THADA: variants seen among roughly 807,000 people sequenced by gnomAD.
THADA encodes the protein THADA armadillo repeat containing, also known as tRNA (32-2'-O)-methyltransferase regulator THADA.
Under a neutral mutation model 219.8 loss-of-function variants are expected in THADA, and 213 were observed. The ratio of observed to expected loss-of-function variants is 0.97; its 90% confidence interval spans 0.87 to 1.09. The LOEUF is 1.09. Among genes scored for constraint, THADA ranks in the 50% least tolerant of loss-of-function variants. The pLI, the probability that THADA is intolerant of heterozygous loss-of-function variation, is 0.00. For synonymous variants in THADA, 1,018 were observed against 828.9 expected, an observed-to-expected ratio of 1.23 and a Z score of -3.92; for missense variants, 2,956 against 2,311.3, an observed-to-expected ratio of 1.28 and a Z score of -5.72.
chr2:43,280,890 T>C (rs889569450), intron 35 of THADA, among the ~76,000 whole-genome samples: 4 of 152,150 alleles, frequency 2.6e-5, no homozygotes, highest in Admixed American at 1.3e-4. Flanking sequence ...AAGAACAAAA[T>C]TGTGTGGCTG....
chr2:43,576,930 A>T lies in THADA; in HGVS notation c.1037+92T>A. 3 of 1,148,784 alleles carry T rather than the reference A, an allele frequency of 2.6e-6. No individual in the cohort carries two copies. In the South Asian group the frequency reaches 4.4e-5, roughly 17 times the overall value. The allele number at this position is 1,148,784 out of a possible 1,614,324, so 71.2% of individuals were successfully genotyped here. A position where few individuals can be genotyped will look rare whatever the true frequency, so the allele number is the denominator to read the frequency against. ...TCAGCCTACTGGGAGGGTAGCTGGG[A>T]TTAGAGGCACAAGCCACTCCAGCTT... On this transcript the variant is annotated intron_variant, in intron 10 of 37. Transcript: ENST00000405975.
chr2:43,568,608 T>G (rs1698942479), intron 14 of THADA, among the ~76,000 whole-genome samples: 1 of 152,234 alleles, frequency 6.6e-6, no homozygotes, highest in South Asian at 2.1e-4. Flanking sequence ...ACAGCTTTTG[T>G]GTTTCCAAGT....
intron 26 of THADA, among the ~76,000 whole-genome samples, chr2:43,475,608 T>A (rs1685440685): frequency 6.6e-6 from 1 of 152,160 alleles, no homozygotes; most frequent in Admixed American, 6.5e-5. Context: ...GGGAGACATT[T>A]CATATTGCAG....
chr2:43,534,126 C>T (rs1053242829), intron 21 of THADA, among the ~76,000 whole-genome samples: 18 of 151,956 alleles, frequency 1.2e-4, no homozygotes, highest in Non-Finnish European at 2.2e-4. Context: ...TAAAATGCAC[C>T]TTGAAATAAT....
intron 20 of THADA, among the ~76,000 whole-genome samples, chr2:43,547,795 T>C (rs960044170): frequency 6.6e-6 from 1 of 152,218 alleles, no homozygotes; most frequent in Non-Finnish European, 1.5e-5. Context: ...TTCAACTTCT[T>C]TGCCTTTGGT....
intron 31 of THADA, among the ~76,000 whole-genome samples, chr2:43,310,783 A>G (rs753061483): frequency 6.6e-6 from 1 of 152,262 alleles, no homozygotes; most frequent in African/African-American, 2.4e-5. Flanking sequence ...TGAAGACAGT[A>G]AAAATCCACA....
intron 28 of THADA, among the ~76,000 whole-genome samples, chr2:43,400,990 AG>A (rs1674765433): frequency 6.6e-6 from 1 of 152,218 alleles, no homozygotes. Flanking sequence ...TAAATCGGAT[AG>A]CCTCTGTCTC....
intron 28 of THADA, among the ~76,000 whole-genome samples, chr2:43,419,731 T>C (rs921924821): frequency 1.3e-5 from 2 of 152,202 alleles, no homozygotes; most frequent in African/African-American, 4.8e-5. Context: ...GCTACAATTT[T>C]TGAGAAACAA....
At chr2:43,335,174 C>G (rs72877392) in intron 30 of THADA, among the ~76,000 whole-genome samples, 2,672 of 152,190 alleles carry the variant, frequency 0.018, 65 homozygotes, top group African/African-American at 0.061. Context: ...TAATAAGATT[C>G]CCAGGTGATT....
chr2:43,488,412 T>C (rs189968979), intron 25 of THADA, among the ~76,000 whole-genome samples: 9 of 152,314 alleles, frequency 5.9e-5, no homozygotes, highest in African/African-American at 1.2e-4. Context: ...GGATACTTCA[T>C]ATACATGGGA....
chr2:43,282,388 C>A (rs1673465271), intron 35 of THADA, among the ~76,000 whole-genome samples: 1 of 152,190 alleles, frequency 6.6e-6, no homozygotes, highest in African/African-American at 2.4e-5. Flanking sequence ...CAGAGAGATA[C>A]AGGGACAGGA....
At chr2:43,255,621 G>A (rs777986979) in intron 36 of THADA, among the ~76,000 whole-genome samples, 1 of 152,218 alleles carries the variant, frequency 6.6e-6, no homozygotes, top group Non-Finnish European at 1.5e-5. Context: ...GCCCCAAATG[G>A]CTGTAACCAA....
At chr2:43,423,732 A>G (rs1678042618) in intron 28 of THADA, among the ~76,000 whole-genome samples, 1 of 152,000 alleles carries the variant, frequency 6.6e-6, no homozygotes, top group Admixed American at 6.6e-5. Context: ...TTTGTTCAGG[A>G]TTCTATGGTC....
chr2:43,433,200 GA>G (rs973821685), intron 26 of THADA, among the ~76,000 whole-genome samples: 1 of 151,522 alleles, frequency 6.6e-6, no homozygotes, highest in Non-Finnish European at 1.5e-5. Context: ...TTAATCGGGA[GA>G]TTTTTTTTGG....
intron 29 of THADA, among the ~76,000 whole-genome samples, chr2:43,357,430 G>T (rs1668991665): frequency 6.6e-6 from 1 of 152,166 alleles, no homozygotes; most frequent in Non-Finnish European, 1.5e-5. Context: ...GGTACCCAAT[G>T]GAGTTGGGCA....
chr2:43,297,342 GCAGC>G, intron 31 of THADA, among the ~76,000 whole-genome samples: 1 of 94,948 alleles, frequency 1.1e-5, no homozygotes, highest in Non-Finnish European at 2.0e-5. Context: ...CCTCCGCCCG[GCAGC>G]TGCCCCGTCT....
chr2:43,234,960 G>A (rs886637984), intron 36 of THADA, among the ~76,000 whole-genome samples: 20 of 146,836 alleles, frequency 1.4e-4, no homozygotes, highest in African/African-American at 4.6e-4. Context: ...GGTATGAGCC[G>A]CTGCACCCAG....
chr2:43,581,543 C>CAAAAA (rs397938497), intron 8 of THADA, among the ~76,000 whole-genome samples, 198 bp downstream of exon 8: 14 of 67,608 alleles, frequency 2.1e-4, no homozygotes, highest in Middle Eastern at 8.5e-3. Context: ...GATTCGGTCT[C>CAAAAA]AAAAAAAAAA....
intron 24 of THADA, among the ~76,000 whole-genome samples, chr2:43,501,588 CA>C (rs1558865083): frequency 6.6e-6 from 1 of 151,856 alleles, no homozygotes; most frequent in Middle Eastern, 3.4e-3. Context: ...GAAGGGAAAA[CA>C]AAAAAAGAGA....
Sources: gnomAD v4.1 joint callset for allele counts (sites outside exome capture counted in the v4.1 genomes callset) on GRCh38, gnomAD v4.1.1 for gene constraint, MANE v1.5 for transcripts, NCBI Gene and HGNC (gene_info 2026-07-23, HGNC 2026-07-21) for gene names.